Variants in RPS6KC1 observed in about 807,000 individuals in gnomAD.
RPS6KC1 encodes the protein ribosomal protein S6 kinase C1.
A neutral mutation model predicts 103.8 loss-of-function variants in RPS6KC1; 54 were observed. The observed-to-expected ratio is 0.52, with a 90% CI of 0.42 to 0.65. The LOEUF is 0.65. Ranked by LOEUF, RPS6KC1 falls within the 30% of genes least tolerant of loss-of-function variation. The pLI, the probability that RPS6KC1 is intolerant of heterozygous loss-of-function variation, is 0.00. For synonymous variants in RPS6KC1, 439 were observed against 438.7 expected (o/e 1.00, Z -0.01); for missense variants, 1,151 against 1,253.8 (o/e 0.92, Z 1.24).
Position 213,258,183 on chromosome 1 carries a change from G to A in RPS6KC1, c.2912-3375G>A, listed in dbSNP as rs150339380. 3.9e-3 allele frequency among the ~76,000 whole-genome samples: 593 copies of A among 151,962 alleles called. 4 individuals are homozygous for A. The highest frequency in any genetic ancestry group is 0.014 in the African/African-American group (571 of 41,482). Reference sequence around the variant, plus strand: ...TTTTTAGTAGAGACGGGGTTTTACCGTGTTAGCCAGGATGGTCTCGATCTC... The same window carrying A: ...TTTTTAGTAGAGACGGGGTTTTACCATGTTAGCCAGGATGGTCTCGATCTC... On this transcript the variant is annotated intron_variant, in intron 12 of 14. Transcript: ENST00000366960.
chr1:213,303,200 G>A, the RPS6KC1 span, among the ~76,000 whole-genome samples: 2 of 152,226 alleles, frequency 1.3e-5, no homozygotes, highest in Non-Finnish European at 2.9e-5. Context: ...GCTGCAGACC[G>A]AAGAAAGGGA....
chr1:213,428,525 T>TTC, the RPS6KC1 span, among the ~76,000 whole-genome samples: 149 of 30,860 alleles, frequency 4.8e-3, no homozygotes, highest in East Asian at 0.014. Context: ...TTCCTCTTTC[T>TTC]CTCTCTCTCT....
chr1:213,433,389 G>A, the RPS6KC1 span, among the ~76,000 whole-genome samples: 95 of 152,328 alleles, frequency 6.2e-4, no homozygotes, highest in African/African-American at 2.2e-3. Flanking sequence ...TCAGTGTAAG[G>A]TAAAATATTC....
chr1:213,070,994 GT>G lies in RPS6KC1; in HGVS notation c.106-8del, dbSNP rs776582307. 1.1e-5 allele frequency: 16 copies of G among 1,503,632 alleles called. No homozygotes were observed. The highest frequency in any genetic ancestry group is 1.5e-5 in the Non-Finnish European group (16 of 1,099,554). The allele number at this position is 1,503,632 out of a possible 1,614,324, so 93.1% of individuals were successfully genotyped here. A position where few individuals can be genotyped will look rare whatever the true frequency, so the allele number is the denominator to read the frequency against. ...ATAATGATTAGAGATTTCTATGTAT[GT>G]TTTGTTTTAGGTTGTTTCACGAAGA... is the stretch of plus-strand genomic sequence containing the variant. On this transcript the variant is annotated splice_polypyrimidine_tract_variant and intron_variant, in intron 1 of 14. Transcript: ENST00000366960.
chr1:213,495,424 C>A, the RPS6KC1 span, among the ~76,000 whole-genome samples: 14 of 152,196 alleles, frequency 9.2e-5, no homozygotes, highest in East Asian at 2.5e-3. Context: ...CGGGTTCAAG[C>A]GATTCTCCTG....
At chr1:213,467,289 G>A in the RPS6KC1 span, among the ~76,000 whole-genome samples, 7 of 152,182 alleles carry the variant, frequency 4.6e-5, no homozygotes, top group African/African-American at 1.7e-4. Context: ...ATCTTGGATG[G>A]AAATGTCATC....
At chr1:213,484,085 A>G in the RPS6KC1 span, among the ~76,000 whole-genome samples, 1 of 152,190 alleles carries the variant, frequency 6.6e-6, no homozygotes, top group South Asian at 2.1e-4. Flanking sequence ...AATGTCAACA[A>G]GATTTTATTT....
At chr1:213,463,977 A>G in the RPS6KC1 span, among the ~76,000 whole-genome samples, 1 of 152,174 alleles carries the variant, frequency 6.6e-6, no homozygotes, top group Non-Finnish European at 1.5e-5. Context: ...AGATACTTAT[A>G]TTGATTTTCC....
chr1:213,106,871 T>G (rs1371597384), intron 4 of RPS6KC1, among the ~76,000 whole-genome samples: 1 of 152,246 alleles, frequency 6.6e-6, no homozygotes, highest in Non-Finnish European at 1.5e-5. Flanking sequence ...ATTATAATTG[T>G]ACAATTCACC....
At chr1:213,643,763 G>C in the RPS6KC1 span, among the ~76,000 whole-genome samples, 1 of 151,850 alleles carries the variant, frequency 6.6e-6, no homozygotes, top group Non-Finnish European at 1.5e-5. Context: ...TATGATGCTT[G>C]CTATAGATTT....
At chr1:213,509,543 T>G in the RPS6KC1 span, among the ~76,000 whole-genome samples, 1 of 152,242 alleles carries the variant, frequency 6.6e-6, no homozygotes, top group African/African-American at 2.4e-5. Context: ...TCTTCAAGGC[T>G]TACCTAGAGG....
At chr1:213,163,091 C>T (rs1183548904) in intron 6 of RPS6KC1, among the ~76,000 whole-genome samples, 1 of 152,008 alleles carries the variant, frequency 6.6e-6, no homozygotes, top group Non-Finnish European at 1.5e-5. Context: ...CTGAAAAGAA[C>T]AAAACACCAT....
the RPS6KC1 span, among the ~76,000 whole-genome samples, chr1:213,309,328 A>G: frequency 1.3e-5 from 2 of 152,086 alleles, no homozygotes; most frequent in African/African-American, 2.4e-5. Context: ...AACAACAACA[A>G]CAAAACTGAA....
the RPS6KC1 span, among the ~76,000 whole-genome samples, chr1:213,287,455 G>A: frequency 9.8e-5 from 15 of 152,302 alleles, 1 homozygote; most frequent in African/African-American, 3.4e-4. Context: ...ACAATGCCTA[G>A]GATGTAGCAA....
the RPS6KC1 span, among the ~76,000 whole-genome samples, chr1:213,698,850 C>T: frequency 6.6e-6 from 1 of 151,616 alleles, no homozygotes; most frequent in Non-Finnish European, 1.5e-5. Context: ...TCATTTTGTT[C>T]ATTTCTCTTA....
At chr1:213,618,100 A>G in the RPS6KC1 span, among the ~76,000 whole-genome samples, 2 of 152,112 alleles carry the variant, frequency 1.3e-5, no homozygotes, top group African/African-American at 2.4e-5. Flanking sequence ...TTCCTTTAGC[A>G]CTTAAAAAAT....
chr1:213,686,145 A>G, the RPS6KC1 span, among the ~76,000 whole-genome samples: 2 of 152,198 alleles, frequency 1.3e-5, no homozygotes, highest in Non-Finnish European at 2.9e-5. Flanking sequence ...CCTCCCCAAC[A>G]ATAAAAAAGT....
chr1:213,411,769 C>G, the RPS6KC1 span, among the ~76,000 whole-genome samples: 3 of 152,142 alleles, frequency 2.0e-5, no homozygotes, highest in Non-Finnish European at 4.4e-5. Flanking sequence ...GGGTGCATTT[C>G]TACAGCCTGG....
chr1:213,562,820 T>C, the RPS6KC1 span, among the ~76,000 whole-genome samples: 57 of 152,194 alleles, frequency 3.7e-4, no homozygotes, highest in Non-Finnish European at 5.4e-4. Context: ...TGTGCCACTA[T>C]CCCTAGATAA....
Sources: allele counts gnomAD v4.1 joint callset (sites outside exome capture counted in the v4.1 genomes callset), GRCh38; gene constraint gnomAD v4.1.1; transcripts MANE v1.5; gene names NCBI Gene and HGNC (gene_info 2026-07-23, HGNC 2026-07-21).